PAPOLB: variants seen among roughly 807,000 people sequenced by gnomAD.
PAPOLB encodes the protein PAP-beta.
A neutral mutation model predicts 23.2 loss-of-function variants in PAPOLB; 19 were observed. The observed-to-expected ratio is 0.82, with a 90% CI of 0.57 to 1.20. PAPOLB has a LOEUF of 1.20. PAPOLB is among the 50% of genes most tolerant of loss of function. PAPOLB has a pLI of 0.00. For missense variants in PAPOLB, 822 were observed against 776.8 expected (o/e 1.06, Z -0.69); for synonymous variants, 360 against 290.7 (o/e 1.24, Z -2.43).
Position 4,859,844 on chromosome 7 carries a change from G to T in PAPOLB, c.*53C>A. On this transcript the variant is annotated 3_prime_UTR_variant, in exon 1 of 1. Transcript: ENST00000404991. ...TATTGAGTTTCTCCTCTTCCGTTTT[G>T]GTTTTCTTGGTCCTTTCTTCTTTAT... The T allele has an allele frequency of 1.7e-6, 2 of 1,148,554 alleles. No individual in the cohort carries two copies. The highest frequency in any genetic ancestry group is 2.5e-6 in the Non-Finnish European group (2 of 792,546). 71.1% of individuals were successfully genotyped at this position (1,148,554 alleles called of 1,614,324 possible). A position where few individuals can be genotyped will look rare whatever the true frequency, so the allele number is the denominator to read the frequency against.
Position 4,860,525 on chromosome 7 carries a change from G to C in PAPOLB, c.1286C>G (p.Pro429Arg). 1.2e-6 allele frequency: 2 copies of C among 1,614,150 alleles called. No individual in the cohort carries two copies. Among genetic ancestry groups the C allele is most frequent in the African/African-American group, 1.3e-5 (1 of 75,040 alleles). ...CATTGTACGAAATTCTTCCATATCAGGATTTTCTTTGGGTGCTGGAAATGA... is the reference window on the plus strand; with the variant it reads ...CATTGTACGAAATTCTTCCATATCACGATTTTCTTTGGGTGCTGGAAATGA... ...PQSFPAPKEN[P>R]DMEEFRTMWV... The change falls in exon 1 of 1, where the codon CCT (proline) becomes CGT (arginine). Residue 429 changes from proline (P) to arginine (R), a missense_variant. Physicochemically the swap from Pro to Arg is moderately radical, Grantham distance 103. Around this residue, in one of 3 missense-constraint regions of PAPOLB, gnomAD observed 534 missense variants for 502.8 expected, o/e 1.06. Transcript: ENST00000404991.
At position 4,861,433 on chromosome 7, in the gene PAPOLB, A is replaced by C. The variant is rs201940926; in HGVS notation, c.378T>G (p.Asp126Glu). The C allele has an allele frequency of 5.6e-6, 9 of 1,614,042 alleles. No homozygotes were observed. Among genetic ancestry groups the C allele is most frequent in the Non-Finnish European group, 7.6e-6 (9 of 1,180,014 alleles). ...AGAATGAGGTGAAAAAGTCGCTTCGATCCACATGACTTGGTGCAACGCACA... is the reference window on the plus strand; with the variant it reads ...AGAATGAGGTGAAAAAGTCGCTTCGCTCCACATGACTTGGTGCAACGCACA... ...DALCVAPSHV[D>E]RSDFFTSFYA... is the part of the protein sequence containing the mutation. The change falls in exon 1 of 1, where the codon GAT becomes GAG. Residue 126 changes from aspartate (D) to glutamate (E), a missense_variant. Physicochemically the swap from Asp to Glu is conservative, Grantham distance 45. Transcript: ENST00000404991.
chr7:4,860,223 A>C lies in PAPOLB; in HGVS notation c.1588T>G (p.Cys530Gly), dbSNP rs763986899. 6.2e-7 allele frequency: 1 copy of C among 1,614,014 alleles called. No individual in the cohort carries two copies. The highest frequency in any genetic ancestry group is 1.1e-5 in the South Asian group (1 of 91,082). ...GAAGGCACAGACATGCTGTTTTCAC[A>C]GCCTGCAGACAAGTCAAAGCTGCTG... ...NDSSFDLSAG[C>G]ENSMSVPSST... The change falls in exon 1 of 1, where the codon TGT becomes GGT. Residue 530 changes from cysteine (C) to glycine (G), a missense_variant. By Grantham distance (159) the Cys-to-Gly change is radical. Around this residue, in one of 3 missense-constraint regions of PAPOLB, gnomAD observed 534 missense variants for 502.8 expected, o/e 1.06. Transcript: ENST00000404991.
Position 4,859,968 on chromosome 7 carries a change from C to T in PAPOLB, c.1843G>A (p.Val615Ile), listed in dbSNP as rs375132133. 8.3e-5 allele frequency: 134 copies of T among 1,613,868 alleles called. No homozygotes were observed. In the Admixed American group the frequency reaches 1.1e-3, roughly 13 times the overall value. Residue 615 changes from valine to isoleucine, a missense_variant, in exon 1 of 1, where the codon GTT (valine) becomes ATT (isoleucine). By Grantham distance (29) the Val-to-Ile change is conservative (BLOSUM62 3). This residue lies in a region of PAPOLB where 534 missense variants were observed against 502.8 expected (regional missense o/e 1.06). Coordinates refer to ENST00000404991, the MANE Select transcript of PAPOLB (RefSeq NM_020144.5). Reference protein sequence around the residue: ...PSPKAMVARVVSSTCLISHPD... With the variant: ...PSPKAMVARVISSTCLISHPD... ...TGGCTTATGAGACATGTTGAAGAAA[C>T]AACTCTGGCGACCATGGCCTTTGGT...
At position 4,861,630 on chromosome 7, in the gene PAPOLB, G is replaced by C; in HGVS notation, c.181C>G (p.Arg61Gly). 3 of 1,610,676 alleles carry C rather than the reference G, an allele frequency of 1.9e-6. No homozygotes were observed. Among genetic ancestry groups the C allele is most frequent in the Non-Finnish European group, 1.7e-6 (2 of 1,178,422 alleles). The change falls in exon 1 of 1, where the codon CGC becomes GGC. Residue 61 changes from arginine to glycine, a missense_variant. By Grantham distance (125) the Arg-to-Gly change is moderately radical. Transcript: ENST00000404991. ...GVFEEEEELQ[R>G]RILVLEKLNN... The stretch of plus-strand genomic sequence containing the variant: ...AATTTTTCCAAAACTAAAATCCTGC[G>C]CTGCAGTTCCTCTTCCTCTTCGAAG...
At position 4,858,591 on chromosome 7, in the gene PAPOLB, C is replaced by A. The variant is rs1314776237; in HGVS notation, c.*1306G>T. On this transcript the variant is annotated 3_prime_UTR_variant, in exon 1 of 1. Coordinates refer to ENST00000404991, the MANE Select transcript of PAPOLB (RefSeq NM_020144.5). ...GTGTTTAAAATTCTTGAAGAAAATG[C>A]CTTTTTGCTTATGTGTGCAATTGGA... The A allele has an allele frequency of 6.6e-6, 1 of 152,406 alleles. No individual in the cohort carries two copies. The highest frequency in any genetic ancestry group is 1.5e-5 in the Non-Finnish European group (1 of 67,956). 9.4% of individuals were successfully genotyped at this position (152,406 alleles called of 1,614,324 possible).
Position 4,858,942 on chromosome 7 carries a change from A to T in PAPOLB, c.*955T>A, listed in dbSNP as rs1395723028. 1.3e-5 allele frequency: 2 copies of T among 152,224 alleles called. No individual in the cohort carries two copies. The highest frequency in any genetic ancestry group is 2.9e-5 in the Non-Finnish European group (2 of 68,032). The allele number at this position is 152,224 out of a possible 1,614,324, so 9.4% of individuals were successfully genotyped here. On this transcript the variant is annotated 3_prime_UTR_variant, in exon 1 of 1. Transcript: ENST00000404991. ...TAGGACTAATGATTGAGGACAAGAG[A>T]ATATGGAGCTTTGATAGCTCAAAGA...
At position 4,859,268 on chromosome 7, in the gene PAPOLB, G is replaced by A. The variant is rs1783911542; in HGVS notation, c.*629C>T. On this transcript the variant is annotated 3_prime_UTR_variant, in exon 1 of 1. Transcript: ENST00000404991. ...CACCAATTTGAAAAATCTAAAATTA[G>A]TTCTACTTTCTAATAAAAAATATAA... 1 of 152,560 alleles carries A rather than the reference G, an allele frequency of 6.6e-6. No homozygotes were observed. Among genetic ancestry groups the A allele is most frequent in the Non-Finnish European group, 1.5e-5 (1 of 68,040 alleles). 9.5% of individuals were successfully genotyped at this position (152,560 alleles called of 1,614,324 possible).
At position 4,860,676 on chromosome 7, in the gene PAPOLB, G is replaced by A. The variant is rs1255087080; in HGVS notation, c.1135C>T (p.Leu379=). The part of the protein sequence containing the change: ...FQKYKHYIVL[L]ASASTEKQHL... ...TGTTTTTCTGTTGATGCACTTGCCAGAAGTACAATATAATGCTTGTACTTT... is the reference window on the plus strand; with the variant it reads ...TGTTTTTCTGTTGATGCACTTGCCAAAAGTACAATATAATGCTTGTACTTT... Residue 379 remains leucine (L), a synonymous_variant, in exon 1 of 1, where the codon CTG becomes TTG. Transcript: ENST00000404991. 1 of 1,614,124 alleles carries A rather than the reference G, an allele frequency of 6.2e-7. No homozygotes were observed. The highest frequency in any genetic ancestry group is 1.1e-5 in the South Asian group (1 of 91,078).
At position 4,859,843 on chromosome 7, in the gene PAPOLB, T is replaced by G; in HGVS notation, c.*54A>C. On this transcript the variant is annotated 3_prime_UTR_variant, in exon 1 of 1. Coordinates refer to ENST00000404991, the MANE Select transcript of PAPOLB (RefSeq NM_020144.5). ...GTATTGAGTTTCTCCTCTTCCGTTT[T>G]GGTTTTCTTGGTCCTTTCTTCTTTA... 8.8e-7 allele frequency: 1 copy of G among 1,138,676 alleles called. No individual in the cohort carries two copies. Among genetic ancestry groups the G allele is most frequent in the East Asian group, 2.4e-5 (1 of 42,476 alleles). 70.5% of individuals were successfully genotyped at this position (1,138,676 alleles called of 1,614,324 possible).
Position 4,861,260 on chromosome 7 carries a change from T to C in PAPOLB, c.551A>G (p.Asp184Gly), listed in dbSNP as rs1232310937. 2.5e-6 allele frequency: 4 copies of C among 1,614,142 alleles called. No individual in the cohort carries two copies. The highest frequency in any genetic ancestry group is 8.5e-7 in the Non-Finnish European group (1 of 1,179,978). The change falls in exon 1 of 1, where the codon GAC becomes GGC. Residue 184 changes from aspartate (D) to glycine (G), a missense_variant. This residue lies in a region of PAPOLB where 276 missense variants were observed against 243.9 expected (regional missense o/e 1.13). Transcript: ENST00000404991. Reference sequence around the variant, plus strand: ...TTTAAGTAGACTGTCATCTCTTAAGTCCAAATCTTCTGGAATAGTCTGTAG... The same window carrying C: ...TTTAAGTAGACTGTCATCTCTTAAGCCCAAATCTTCTGGAATAGTCTGTAG... ...LALQTIPEDLDLRDDSLLKNL... is the reference protein window; with the variant it reads ...LALQTIPEDLGLRDDSLLKNL...
chr7:4,860,488 C>T lies in PAPOLB; in HGVS notation c.1323G>A (p.Gly441=). 6.2e-7 allele frequency: 1 copy of T among 1,614,076 alleles called. No individual in the cohort carries two copies. ...AATTATCTGGCTTTTTTAGCCCTAA[C>T]CCAATCACCCACATTGTACGAAATT... ...MEEFRTMWVI[G]LGLKKPDNSE... is the part of the protein sequence containing the mutation. Residue 441 remains glycine (G), a synonymous_variant, in exon 1 of 1, where the codon GGG becomes GGA. Transcript: ENST00000404991.
chr7:4,861,558 T>C lies in PAPOLB; in HGVS notation c.253A>G (p.Ser85Gly), dbSNP rs1241558023. The C allele has an allele frequency of 1.9e-6, 3 of 1,614,016 alleles. No homozygotes were observed. The highest frequency in any genetic ancestry group is 2.5e-6 in the Non-Finnish European group (3 of 1,179,896). Reference sequence around the variant, plus strand: ...TTTTCAATTACAGACTGGGGAAGACTCTTGCTTTCACTGATTTCGCGTATC... The same window carrying C: ...TTTTCAATTACAGACTGGGGAAGACCCTTGCTTTCACTGATTTCGCGTATC... ...EWIREISESK[S>G]LPQSVIENVG... is the part of the protein sequence containing the mutation. The change falls in exon 1 of 1, where the codon AGT becomes GGT. Residue 85 changes from serine (S) to glycine (G), a missense_variant. By Grantham distance (56) the Ser-to-Gly change is moderately conservative. Coordinates refer to ENST00000404991, the MANE Select transcript of PAPOLB (RefSeq NM_020144.5).
In PAPOLB at chr7:4,861,866, G is replaced by GCCGCC; in HGVS notation, c.-61_-57dup. 3.7e-6 allele frequency: 2 copies of GCCGCC among 540,730 alleles called. No homozygotes were observed. The highest frequency in any genetic ancestry group is 1.1e-4 in the South Asian group (2 of 17,832). The allele number at this position is 540,730 out of a possible 1,614,324, so 33.5% of individuals were successfully genotyped here. On this transcript the variant is annotated 5_prime_UTR_variant, in exon 1 of 1. An upstream open reading frame in the 5' UTR loses its in-frame stop. Transcript: ENST00000404991. ...CCCCACCACCGCGACCTTCGCGGCC[G>GCCGCC]CCGCCCGGGTCATGATCCGCTGAGG...
rs558978785 is a variant in PAPOLB, at chr7:4,861,076, G to C, written c.735C>G (p.Leu245=). The change falls in exon 1 of 1, where the codon CTC becomes CTG. Residue 245 remains leucine, a synonymous_variant. Transcript: ENST00000404991. ...CTAGCATGGCCCAGGAAACACCTCC[G>C]AGGAAACCTAATATATTGGAATAGA... The part of the protein sequence containing the change: ...HNIYSNILGF[L]GGVSWAMLVA... 6.2e-6 allele frequency: 10 copies of C among 1,614,074 alleles called. No homozygotes were observed. The East Asian group carries it at 2.2e-4, about 36-fold the overall frequency.
Position 4,860,327 on chromosome 7 carries a change from T to C in PAPOLB, c.1484A>G (p.His495Arg), listed in dbSNP as rs760691379. Residue 495 changes from histidine (H) to arginine (R), a missense_variant, in exon 1 of 1, where the codon CAC becomes CGC. By Grantham distance (29) the His-to-Arg change is conservative (BLOSUM62 0). Transcript: ENST00000404991. The part of the protein sequence containing the change: ...TAMHLRRKEL[H>R]QLLPHHVLQD... ...AAGCACATGATGAGGCAGCAGCTGG[T>C]GAAGTTCCTTTCTTCTTAAATGCAT... is the stretch of plus-strand genomic sequence containing the variant. 1 of 1,614,046 alleles carries C rather than the reference T, an allele frequency of 6.2e-7. No individual in the cohort carries two copies. Among genetic ancestry groups the C allele is most frequent in the South Asian group, 1.1e-5 (1 of 91,088 alleles).
rs750007541 is a variant in PAPOLB, at chr7:4,861,550, G to A, written c.261C>T (p.Pro87=). 1.1e-5 allele frequency: 18 copies of A among 1,614,012 alleles called. No homozygotes were observed. Among genetic ancestry groups the A allele is most frequent in the Non-Finnish European group, 1.5e-5 (18 of 1,179,902 alleles). The change falls in exon 1 of 1, where the codon CCC becomes CCT. Residue 87 remains proline (P), a synonymous_variant. Coordinates refer to ENST00000404991, the MANE Select transcript of PAPOLB (RefSeq NM_020144.5). ...CTCCAACGTTTTCAATTACAGACTG[G>A]GGAAGACTCTTGCTTTCACTGATTT... ...IREISESKSL[P]QSVIENVGGK...
In PAPOLB at chr7:4,860,913, C is replaced by G. The variant is rs774929576; in HGVS notation, c.898G>C (p.Val300Leu). 1 of 1,614,200 alleles carries G rather than the reference C, an allele frequency of 6.2e-7. No individual in the cohort carries two copies. Among genetic ancestry groups the G allele is most frequent in the East Asian group, 2.2e-5 (1 of 44,890 alleles). The change falls in exon 1 of 1, where the codon GTA (valine) becomes CTA (leucine). Residue 300 changes from valine (V) to leucine (L), a missense_variant. This residue lies in a region of PAPOLB where 534 missense variants were observed against 502.8 expected (regional missense o/e 1.06). Transcript: ENST00000404991. ...CTGGGATTTACTCTTGGGTCCCATA[C>G]AGGCAAATTAAGATTCCGTTCTTCA... ...EPEERNLNLP[V>L]WDPRVNPSDR...
rs1423421119 is a variant in PAPOLB, at chr7:4,858,466, G to A, written c.*1431C>T. ...TGATCTTTTGTAGACTAAAAGAGCA[G>A]AAAGCCAGTAAGATGTCAAGTGCTT... On this transcript the variant is annotated 3_prime_UTR_variant, in exon 1 of 1. Transcript: ENST00000404991. 3 of 152,494 alleles carry A rather than the reference G, an allele frequency of 2.0e-5. No individual in the cohort carries two copies. The highest frequency in any genetic ancestry group is 4.8e-5 in the African/African-American group (2 of 41,438). The allele number at this position is 152,494 out of a possible 1,614,324, so 9.4% of individuals were successfully genotyped here. A position where few individuals can be genotyped will look rare whatever the true frequency, so the allele number is the denominator to read the frequency against.
Sources: gnomAD v4.1 joint callset for allele counts on GRCh38, gnomAD v4.1.1 for gene constraint, gnomAD v4.1.1 regional missense constraint, MANE v1.5 for transcripts, NCBI Gene and HGNC (gene_info 2026-07-23, HGNC 2026-07-21) for gene names.